ERN1: variants seen among roughly 807,000 people sequenced by gnomAD.
ERN1 encodes endoplasmic reticulum to nucleus signaling 1, also known as serine/threonine-protein kinase/endoribonuclease IRE1.
Under a neutral mutation model 113.1 loss-of-function variants are expected in ERN1, and 39 were observed. The ratio of observed to expected loss-of-function variants is 0.34; its 90% confidence interval spans 0.27 to 0.45. ERN1 has a LOEUF of 0.45. Among genes scored for constraint, ERN1 ranks in the 20% least tolerant of loss-of-function variants. ERN1 has a pLI of 1.00. For missense variants in ERN1, 976 were observed against 1,274.8 expected, an observed-to-expected ratio of 0.77 and a Z score of 3.57; for synonymous variants, 507 against 515.9, an observed-to-expected ratio of 0.98 and a Z score of 0.23.
intron 6 of ERN1, among the ~76,000 whole-genome samples, 169 bp downstream of exon 6, chr17:64,071,812 C>T (rs986316042): frequency 6.6e-6 from 1 of 152,104 alleles, no homozygotes; most frequent in African/African-American, 2.4e-5. Context: ...TGGACTGTAT[C>T]CCTTGCACAC....
chr17:64,089,318 C>CAAAAAAAA (rs34094164), intron 2 of ERN1, among the ~76,000 whole-genome samples: 1 of 24,234 alleles, frequency 4.1e-5, no homozygotes, highest in African/African-American at 8.7e-5. Flanking sequence ...GAATCCATCT[C>CAAAAAAAA]AAAAAAAAAA....
chr17:64,080,421 C>G (rs1221038528), intron 3 of ERN1: 1 of 214,062 alleles, frequency 4.7e-6, no homozygotes, highest in Non-Finnish European at 9.5e-6. Context: ...CAGCTTTTAC[C>G]CCAACACACA....
chr17:64,057,364 CTTT>C (rs1253806472), intron 12 of ERN1, among the ~76,000 whole-genome samples: 2 of 3,298 alleles, frequency 6.1e-4, no homozygotes, highest in Non-Finnish European at 1.2e-3. Flanking sequence ...CTTTTTTTTT[CTTT>C]TTTTTTGAGA....
At chr17:64,079,524 T>A (rs80220320) in intron 4 of ERN1, 138 bp downstream of exon 4, 49,787 of 638,768 alleles carry the variant, frequency 0.078, 2,294 homozygotes, top group Middle Eastern at 0.12. Flanking sequence ...GGCTCCTCTC[T>A]AGACCACCTG....
chr17:64,078,811 C>A (rs1407480838), intron 4 of ERN1, among the ~76,000 whole-genome samples: 1 of 152,002 alleles, frequency 6.6e-6, no homozygotes, highest in Non-Finnish European at 1.5e-5. Context: ...TGGAGACCAG[C>A]CTAGGCAATA....
chr17:64,066,600 C>T, intron 8 of ERN1, 71 bp downstream of exon 8: 6 of 1,574,076 alleles, frequency 3.8e-6, no homozygotes, highest in Non-Finnish European at 4.3e-6. Context: ...CGTGCAGGGC[C>T]TGCTACACTG....
At chr17:64,072,897 C>T (rs929635477) in intron 5 of ERN1, among the ~76,000 whole-genome samples, 1 of 152,094 alleles carries the variant, frequency 6.6e-6, no homozygotes, top group Non-Finnish European at 1.5e-5. Context: ...AAAGCATGAT[C>T]TCTGGTGGTC....
chr17:64,106,795 C>G (rs1237598902), intron 1 of ERN1, among the ~76,000 whole-genome samples: 2 of 150,146 alleles, frequency 1.3e-5, no homozygotes, highest in Non-Finnish European at 3.0e-5. Context: ...CATAGGACAC[C>G]AGTCCTACAG....
chr17:64,126,936 C>G (rs1005735071), intron 1 of ERN1, among the ~76,000 whole-genome samples: 2 of 152,082 alleles, frequency 1.3e-5, no homozygotes, highest in African/African-American at 4.8e-5. Flanking sequence ...AAAAAAGGTA[C>G]TTTGCCTCAC....
chr17:64,071,825 G>T (rs1193108956), intron 6 of ERN1, among the ~76,000 whole-genome samples, 156 bp downstream of exon 6: 1 of 152,154 alleles, frequency 6.6e-6, no homozygotes, highest in Non-Finnish European at 1.5e-5. Flanking sequence ...TTGCACACTG[G>T]GGGGACACTG....
intron 6 of ERN1, among the ~76,000 whole-genome samples, chr17:64,071,019 C>T (rs977067412): frequency 6.6e-6 from 1 of 152,092 alleles, no homozygotes; most frequent in Non-Finnish European, 1.5e-5. Flanking sequence ...GTGAGGGAGG[C>T]AGGAAGTAGG....
intron 1 of ERN1, among the ~76,000 whole-genome samples, chr17:64,118,997 C>G (rs1053008352): frequency 3.3e-5 from 5 of 152,178 alleles, no homozygotes; most frequent in Non-Finnish European, 7.3e-5. Context: ...CTTCTCCTCA[C>G]TCGCAATGGC....
intron 8 of ERN1, 113 bp downstream of exon 8, chr17:64,066,558 T>C (rs1192649516): frequency 7.7e-6 from 10 of 1,299,350 alleles, no homozygotes; most frequent in Middle Eastern, 2.7e-4. Flanking sequence ...ATATTCCTCA[T>C]GGCTTCAGAG....
intron 4 of ERN1, among the ~76,000 whole-genome samples, chr17:64,076,686 G>A (rs1351629300): frequency 4.6e-5 from 7 of 150,942 alleles, no homozygotes; most frequent in East Asian, 2.0e-4. Flanking sequence ...TGCAAGCTCC[G>A]CCTCCCGGGT....
At position 64,075,251 on chromosome 17, in the gene ERN1, T is replaced by TTA; in HGVS notation, c.283-5_283-4insTA. 1.2e-5 allele frequency: 15 copies of TTA among 1,288,326 alleles called. No homozygotes were observed. The highest frequency in any genetic ancestry group is 3.1e-5 in the South Asian group (2 of 65,480). The allele number at this position is 1,288,326 out of a possible 1,614,324, so 79.8% of individuals were successfully genotyped here. A position where few individuals can be genotyped will look rare whatever the true frequency, so the allele number is the denominator to read the frequency against. On this transcript the variant is annotated splice_polypyrimidine_tract_variant and splice_region_variant and intron_variant, in intron 4 of 21. Transcript: ENST00000433197. ...CTGGGATGGTAAAAGGAAGTTTCTT[T>TTA]AAAAAAAAAAAAAAAGAAAAAAAAA... is the stretch of plus-strand genomic sequence containing the variant.
rs114572615 is a variant in ERN1, at chr17:64,060,727, G to A, written c.1088-140C>T. On this transcript the variant is annotated intron_variant, in intron 10 of 21. Transcript: ENST00000433197. ...AGCAGGACTGTGAGTTAGAGAAAAT[G>A]AGTGGCAGTTACCAGAAAATTCCAT... The A allele has an allele frequency of 2.2e-3, 1,404 of 632,594 alleles. 13 individuals carry two copies. In the African/African-American group the frequency reaches 0.023, roughly 11 times the overall value. The allele number at this position is 632,594 out of a possible 1,614,324, so 39.2% of individuals were successfully genotyped here. A position where few individuals can be genotyped will look rare whatever the true frequency, so the allele number is the denominator to read the frequency against.
Position 64,049,324 on chromosome 17 carries a change from T to C in ERN1, c.2254-122A>G, listed in dbSNP as rs1463454824. 2.2e-5 allele frequency: 23 copies of C among 1,026,384 alleles called. No homozygotes were observed. The highest frequency in any genetic ancestry group is 5.5e-5 in the Admixed American group (2 of 36,396). 63.6% of individuals were successfully genotyped at this position (1,026,384 alleles called of 1,614,324 possible). A position where few individuals can be genotyped will look rare whatever the true frequency, so the allele number is the denominator to read the frequency against. On this transcript the variant is annotated intron_variant, in intron 17 of 21. Coordinates refer to ENST00000433197, the MANE Select transcript of ERN1 (RefSeq NM_001433.5). This position sits in a 1 kb window ranked among gnomAD's most constrained non-coding sequence, Gnocchi z 4.7. ...TAGAAGGTGTCCTGGGAGAATCAGC[T>C]GACATATGTGAGCTGCACAGAGCAG...
At chr17:64,113,168 A>G (rs972916229) in intron 1 of ERN1, among the ~76,000 whole-genome samples, 2 of 152,128 alleles carry the variant, frequency 1.3e-5, no homozygotes, top group Admixed American at 6.5e-5. Flanking sequence ...AGTGACCTAT[A>G]TGTTTAAGCT....
chr17:64,093,748 G>A (rs1914152211), intron 2 of ERN1, among the ~76,000 whole-genome samples: 1 of 152,204 alleles, frequency 6.6e-6, no homozygotes, highest in African/African-American at 2.4e-5. Context: ...TTCAGCTTAT[G>A]AATGGCAGTG....
Sources: allele counts gnomAD v4.1 joint callset (sites outside exome capture counted in the v4.1 genomes callset), GRCh38; gene constraint gnomAD v4.1.1; non-coding constraint Gnocchi (gnomAD v3.1); transcripts MANE v1.5; gene names NCBI Gene and HGNC (gene_info 2026-07-23, HGNC 2026-07-21).